DAP3: variants seen among roughly 807,000 people sequenced by gnomAD.
The protein encoded by DAP3 is small ribosomal subunit protein mS29.
DAP3 carries 28 observed loss-of-function variants against 51.9 expected under a neutral mutation model. The ratio of observed to expected loss-of-function variants is 0.54; its 90% CI spans 0.40 to 0.74. The LOEUF (loss-of-function observed/expected upper bound fraction) is 0.74. DAP3 is among the 30% of genes least tolerant of loss of function. DAP3 has a pLI of 0.00. For synonymous variants in DAP3, 170 were observed against 170.3 expected (o/e 1.00, Z 0.01); for missense variants, 458 against 483.5 (o/e 0.95, Z 0.49).
chr1:155,700,564 A>G (rs1655078143), intron 1 of DAP3, among the ~76,000 whole-genome samples: 1 of 140,356 alleles, frequency 7.1e-6, no homozygotes, highest in East Asian at 2.2e-4. Context: ...TCCGGGAGGG[A>G]GGTGGGGGGT....
intron 1 of DAP3, among the ~76,000 whole-genome samples, chr1:155,698,655 C>T (rs1175931251): frequency 1.3e-5 from 2 of 152,180 alleles, no homozygotes; most frequent in Non-Finnish European, 2.9e-5. Flanking sequence ...CTTTCCAATT[C>T]TTTCCCAATC....
At chr1:155,726,072 T>C in intron 6 of DAP3, 53 bp downstream of exon 6, 1 of 1,418,364 alleles carries the variant, frequency 7.1e-7, no homozygotes, top group Non-Finnish European at 9.8e-7. Flanking sequence ...ATCCTGTTAC[T>C]GTGGTAGCCT....
chr1:155,712,286 T>C (rs1475138891), intron 2 of DAP3, among the ~76,000 whole-genome samples: 1 of 152,156 alleles, frequency 6.6e-6, no homozygotes, highest in Non-Finnish European at 1.5e-5. Context: ...ACTTGAGTGA[T>C]AACATATATA....
chr1:155,736,807 G>A (rs908272552), intron 11 of DAP3, 139 bp from the exon 12 acceptor site: 7 of 757,950 alleles, frequency 9.2e-6, no homozygotes, highest in African/African-American at 1.7e-5. Flanking sequence ...CCTGTATCAG[G>A]CAATGTTGCC....
intron 4 of DAP3, among the ~76,000 whole-genome samples, chr1:155,722,759 C>T (rs767017891): frequency 1.3e-5 from 2 of 152,224 alleles, no homozygotes; most frequent in South Asian, 2.1e-4. Flanking sequence ...GATAGTGCCA[C>T]GGCACTCCAA....
chr1:155,725,635 G>A (rs1658490569), intron 5 of DAP3, 145 bp downstream of exon 5: 2 of 799,198 alleles, frequency 2.5e-6, no homozygotes, highest in African/African-American at 3.5e-5. Flanking sequence ...AGCCGAGGCA[G>A]GCGTATCGCC....
chr1:155,721,988 T>C (rs1658070971), intron 4 of DAP3: 1 of 303,208 alleles, frequency 3.3e-6, no homozygotes, highest in Non-Finnish European at 6.1e-6. Flanking sequence ...CATTGGTTTT[T>C]ATTCTCTTGT....
intron 1 of DAP3, among the ~76,000 whole-genome samples, chr1:155,705,594 C>T (rs1475677087): frequency 2.0e-5 from 3 of 146,630 alleles, no homozygotes; most frequent in Non-Finnish European, 4.5e-5. Context: ...TGGAGCGAGA[C>T]CCTGTCTCAA....
chr1:155,692,962 A>G (rs866010164), intron 1 of DAP3, among the ~76,000 whole-genome samples: 13 of 141,936 alleles, frequency 9.2e-5, no homozygotes, highest in Non-Finnish European at 1.6e-4. Flanking sequence ...GTGTAAAGCA[A>G]TTCCAGCAGC....
At chr1:155,700,751 TCAGCCCTCCGCC>T (rs1295143725) in intron 1 of DAP3, among the ~76,000 whole-genome samples, 3 of 138,172 alleles carry the variant, frequency 2.2e-5, no homozygotes, top group Non-Finnish European at 4.7e-5. Flanking sequence ...GGTGGGGGGG[TCAGCCCTCCGCC>T]CAGCCAGCCG....
At chr1:155,734,988 G>C (rs1659606060) in intron 11 of DAP3, among the ~76,000 whole-genome samples, 1 of 152,102 alleles carries the variant, frequency 6.6e-6, no homozygotes, top group Non-Finnish European at 1.5e-5. Flanking sequence ...TCTCAGGCTG[G>C]GCGTGGTGGC....
Position 155,713,133 on chromosome 1 carries a change from A to G in DAP3, c.45+3309A>G, listed in dbSNP as rs923336663. Among the ~76,000 whole-genome samples, 155 of 152,318 alleles carry G rather than the reference A, an allele frequency of 1.0e-3. 1 individual carries two copies. Among genetic ancestry groups the G allele is most frequent in the African/African-American group, 3.6e-3 (148 of 41,566 alleles). On this transcript the variant is annotated intron_variant, in intron 2 of 12. Transcript: ENST00000368336. ...ACCTTCTTGGGATACATCGCAACATATAGCTTTTAAGGTGGGGAGGGAGAG... is the reference window on the plus strand; with the variant it reads ...ACCTTCTTGGGATACATCGCAACATGTAGCTTTTAAGGTGGGGAGGGAGAG...
chr1:155,703,883 CG>C (rs1655634772), intron 1 of DAP3, among the ~76,000 whole-genome samples: 1 of 152,154 alleles, frequency 6.6e-6, no homozygotes, highest in Non-Finnish European at 1.5e-5. Context: ...CATAGTGGCT[CG>C]CGCCTGCAAT....
intron 1 of DAP3, among the ~76,000 whole-genome samples, chr1:155,702,425 G>A (rs1655424203): frequency 6.6e-6 from 1 of 151,964 alleles, no homozygotes; most frequent in Non-Finnish European, 1.5e-5. Flanking sequence ...GTGAGCCAAT[G>A]AGCTGAGATC....
chr1:155,725,317 A>G, intron 4 of DAP3, 65 bp from the exon 5 acceptor site: 2 of 1,423,336 alleles, frequency 1.4e-6, no homozygotes, highest in Non-Finnish European at 2.0e-6. Flanking sequence ...GGCAGAGTAT[A>G]TATACCACCC....
intron 12 of DAP3, 111 bp from the exon 13 acceptor site, chr1:155,738,046 A>C: frequency 9.9e-7 from 1 of 1,009,002 alleles, no homozygotes; most frequent in East Asian, 2.6e-5. Context: ...GGGAGATGAT[A>C]ATTACCTCAG....
At chr1:155,700,623 C>T (rs1425544653) in intron 1 of DAP3, among the ~76,000 whole-genome samples, 3 of 143,308 alleles carry the variant, frequency 2.1e-5, no homozygotes, top group Admixed American at 6.8e-5. Flanking sequence ...AGGGGCGCCT[C>T]GGCCCGGCCG....
At chr1:155,697,373 C>T (rs774876087) in intron 1 of DAP3, among the ~76,000 whole-genome samples, 60 of 152,112 alleles carry the variant, frequency 3.9e-4, no homozygotes, top group Non-Finnish European at 7.2e-4. Context: ...AAATCACCTC[C>T]GGTATCGGGG....
At chr1:155,720,008 T>G (rs796914409) in intron 3 of DAP3, among the ~76,000 whole-genome samples, 7 of 151,990 alleles carry the variant, frequency 4.6e-5, no homozygotes, top group African/African-American at 1.7e-4. Flanking sequence ...CTCAAAACAA[T>G]GGGAGATATC....
Sources: gnomAD v4.1 joint callset for allele counts (sites outside exome capture counted in the v4.1 genomes callset) on GRCh38, gnomAD v4.1.1 for gene constraint, MANE v1.5 for transcripts, NCBI Gene and HGNC (gene_info 2026-07-23, HGNC 2026-07-21) for gene names.